Variants in GRID2 observed in about 807,000 individuals in gnomAD.
GRID2 encodes glutamate receptor ionotropic, delta-2.
In GRID2, 33 loss-of-function variants were observed where a neutral mutation model predicts 114.8. The observed-to-expected ratio is 0.29, with a 90% CI of 0.22 to 0.38. The LOEUF (loss-of-function observed/expected upper bound fraction) is 0.38. Among genes scored for constraint, GRID2 ranks in the 10% least tolerant of loss-of-function variants. The pLI is 1.00. For missense variants in GRID2, 1,184 were observed against 1,257.7 expected, an observed-to-expected ratio of 0.94 and a Z score of 0.89; for synonymous variants, 505 against 449.9, an observed-to-expected ratio of 1.12 and a Z score of -1.55.
chr4:93,309,079 G>A (rs1367892563), intron 8 of GRID2, among the ~76,000 whole-genome samples: 1 of 152,096 alleles, frequency 6.6e-6, no homozygotes, highest in Non-Finnish European at 1.5e-5. Flanking sequence ...CTAGCAGTAA[G>A]TGTATATAAT....
chr4:93,779,387 G>A (rs574048375), downstream of GRID2, among the ~76,000 whole-genome samples: 1 of 152,248 alleles, frequency 6.6e-6, no homozygotes, highest in East Asian at 1.9e-4. Flanking sequence ...ACCAAGGCAA[G>A]TGCCTGGGCC....
chr4:92,729,397 AC>A (rs1334403116), intron 2 of GRID2, among the ~76,000 whole-genome samples: 1 of 152,020 alleles, frequency 6.6e-6, no homozygotes, highest in Non-Finnish European at 1.5e-5. Context: ...TTGGAGTATT[AC>A]CTGTGTATGT....
chr4:93,536,644 CTT>C (rs1553949009), intron 13 of GRID2, among the ~76,000 whole-genome samples: 1 of 77,876 alleles, frequency 1.3e-5, no homozygotes, highest in Non-Finnish European at 2.9e-5. Flanking sequence ...ATATTTTTGA[CTT>C]CTTTTTTTTT....
At chr4:93,238,300 G>T in intron 7 of GRID2, 71 bp from the exon 8 acceptor site, 1 of 1,130,506 alleles carries the variant, frequency 8.8e-7, no homozygotes, top group Admixed American at 2.4e-5. Flanking sequence ...GTTCCTAGAA[G>T]TTCCTTTTAT....
chr4:93,145,940 C>G (rs962958916), intron 4 of GRID2, among the ~76,000 whole-genome samples: 45 of 151,964 alleles, frequency 3.0e-4, no homozygotes, highest in Non-Finnish European at 5.7e-4. Context: ...ATTATATTCT[C>G]TCTAGTTTTT....
chr4:93,556,248 T>C (rs939106828), intron 13 of GRID2, among the ~76,000 whole-genome samples: 24 of 152,150 alleles, frequency 1.6e-4, no homozygotes, highest in South Asian at 1.5e-3. Flanking sequence ...CAAAACTAGA[T>C]GGAGAATGAG....
chr4:93,429,152 C>T (rs993873208), intron 10 of GRID2, among the ~76,000 whole-genome samples: 2 of 152,176 alleles, frequency 1.3e-5, no homozygotes, highest in Non-Finnish European at 2.9e-5. Flanking sequence ...GACGGCTCTT[C>T]TCTTTCTTTT....
intron 2 of GRID2, among the ~76,000 whole-genome samples, chr4:92,711,570 C>G (rs904840696): frequency 3.9e-5 from 6 of 152,146 alleles, no homozygotes; most frequent in Non-Finnish European, 5.9e-5. Context: ...CTTCAAACAT[C>G]TGTATTCTGC....
At chr4:92,761,146 A>T (rs1737991677) in intron 2 of GRID2, among the ~76,000 whole-genome samples, 1 of 152,090 alleles carries the variant, frequency 6.6e-6, no homozygotes, top group Non-Finnish European at 1.5e-5. Context: ...TCTGGGATTG[A>T]CTTTCTGTCT....
intron 1 of GRID2, among the ~76,000 whole-genome samples, chr4:92,580,916 G>T (rs7686627): frequency 0.41 from 60,711 of 149,620 alleles, 12,396 homozygotes; most frequent in African/African-American, 0.48. Flanking sequence ...AAATGCATCA[G>T]GTCAGTTTGG....
chr4:92,610,256 T>C (rs961712690), intron 2 of GRID2, among the ~76,000 whole-genome samples: 1 of 151,570 alleles, frequency 6.6e-6, no homozygotes, highest in Admixed American at 6.6e-5. Flanking sequence ...GGACAATGCA[T>C]TAGGGGATGA....
intron 1 of GRID2, among the ~76,000 whole-genome samples, chr4:92,439,245 C>T (rs574870409): frequency 0.015 from 2,351 of 151,988 alleles, 71 homozygotes; most frequent in African/African-American, 0.055. Flanking sequence ...AAGGCAAGGA[C>T]CGGCCATTTA....
intron 2 of GRID2, among the ~76,000 whole-genome samples, chr4:92,789,666 T>A (rs185443023): frequency 6.6e-6 from 1 of 152,086 alleles, no homozygotes; most frequent in Admixed American, 6.6e-5. Context: ...GCTATATATC[T>A]TTGATACTTT....
chr4:92,954,903 A>C (rs573437408), intron 2 of GRID2, among the ~76,000 whole-genome samples: 8 of 138,690 alleles, frequency 5.8e-5, no homozygotes, highest in African/African-American at 2.2e-4. Context: ...ACTGAGAATG[A>C]TGATTTCCAA....
chr4:92,904,445 G>A (rs1468656022), intron 2 of GRID2, among the ~76,000 whole-genome samples: 1 of 151,654 alleles, frequency 6.6e-6, no homozygotes, highest in Non-Finnish European at 1.5e-5. Flanking sequence ...AAACATCCTT[G>A]TTTTCAGAAG....
rs76261603 is a variant in GRID2, at chr4:92,929,125, A to C, written c.245-155870A>C. On this transcript the variant is annotated intron_variant, in intron 2 of 15. Transcript: ENST00000282020. ...CCTATTAGAAATACTTTAAAAAGGCAAACTCTGTAAATCCTCAATCTTTAA... is the reference window on the plus strand; with the variant it reads ...CCTATTAGAAATACTTTAAAAAGGCCAACTCTGTAAATCCTCAATCTTTAA... Among the ~76,000 whole-genome samples the C allele has an allele frequency of 7.6e-4, 115 of 151,630 alleles. No homozygotes were observed. The East Asian group carries it at 0.02, about 27-fold the overall frequency.
chr4:92,405,615 A>G (rs1397350437), intron 1 of GRID2, among the ~76,000 whole-genome samples: 1 of 152,062 alleles, frequency 6.6e-6, no homozygotes, highest in South Asian at 2.1e-4. Flanking sequence ...ATATATGTAT[A>G]TGGTGTTTCC....
chr4:93,394,918 T>C (rs936931652), intron 8 of GRID2, among the ~76,000 whole-genome samples: 2 of 152,000 alleles, frequency 1.3e-5, no homozygotes, highest in African/African-American at 4.8e-5. Context: ...TAAAAACTGG[T>C]AGCCCTCAGA....
chr4:93,251,379 A>T (rs1395461257), intron 8 of GRID2, among the ~76,000 whole-genome samples: 1 of 152,192 alleles, frequency 6.6e-6, no homozygotes, highest in Non-Finnish European at 1.5e-5. Context: ...TAAATGGCAA[A>T]AATTGATTTA....
Sources: gnomAD v4.1 joint callset for allele counts (sites outside exome capture counted in the v4.1 genomes callset) on GRCh38, gnomAD v4.1.1 for gene constraint, MANE v1.5 for transcripts, NCBI Gene and HGNC (gene_info 2026-07-23, HGNC 2026-07-21) for gene names.